KDM2A: variants seen among roughly 807,000 people sequenced by gnomAD.
KDM2A encodes lysine demethylase 2A, also known as lysine-specific demethylase 2A.
In KDM2A, 3 loss-of-function variants were observed where a neutral mutation model predicts 137.3. The ratio of observed to expected loss-of-function variants is 0.02; its 90% CI spans 0.01 to 0.06. KDM2A has a LOEUF of 0.06. KDM2A is among the 10% of genes least tolerant of loss of function. The pLI, the probability that KDM2A is intolerant of heterozygous loss-of-function variation, is 1.00. For synonymous variants in KDM2A, 512 were observed against 541.5 expected, an observed-to-expected ratio of 0.95 and a Z score of 0.76; for missense variants, 738 against 1,510.6, an observed-to-expected ratio of 0.49 and a Z score of 8.48.
In KDM2A at chr11:67,233,050, C is replaced by A. The variant is rs899083304; in HGVS notation, c.1479+1090C>A. ...TGGAGGAAATTATTTTAAGTCTTTC[C>A]TCCTAAGTAACAATTAATGTGAAGA... On this transcript the variant is annotated intron_variant, in intron 12 of 20. Coordinates refer to ENST00000529006, the MANE Select transcript of KDM2A (RefSeq NM_012308.3). 2.6e-5 allele frequency among the ~76,000 whole-genome samples: 4 copies of A among 152,082 alleles called. No homozygotes were observed. In the East Asian group the frequency reaches 7.7e-4, roughly 29 times the overall value.
At chr11:67,217,609 C>T in intron 8 of KDM2A, 122 bp from the exon 9 acceptor site, 1 of 898,526 alleles carries the variant, frequency 1.1e-6, no homozygotes. Context: ...GTTCTATAGG[C>T]TGGGAAAATT....
At chr11:67,194,589 T>G (rs1187933858) in intron 5 of KDM2A, among the ~76,000 whole-genome samples, 1 of 152,188 alleles carries the variant, frequency 6.6e-6, no homozygotes, top group Non-Finnish European at 1.5e-5. Flanking sequence ...CATAACACTT[T>G]GTGCATTACA....
intron 2 of KDM2A, among the ~76,000 whole-genome samples, chr11:67,177,359 T>C (rs577223991): frequency 8.1e-4 from 124 of 152,228 alleles, no homozygotes; most frequent in Non-Finnish European, 1.5e-3. Context: ...TTTCCACTTT[T>C]GTAATAATAC....
chr11:67,231,773 G>C lies in KDM2A; in HGVS notation c.1292G>C (p.Arg431Pro). ...LAGDSSSDCS[R>P]GSHNGQVWDP... ...GGGGACTCATCTTCTGACTGTAGCCGGGGCTCCCACAATGGACAAGTGTGG... is the reference window on the plus strand; with the variant it reads ...GGGGACTCATCTTCTGACTGTAGCCCGGGCTCCCACAATGGACAAGTGTGG... The change falls in exon 12 of 21, where the codon CGG (arginine) becomes CCG (proline). Residue 431 changes from arginine to proline, a missense_variant. Arg to Pro is a moderately radical substitution (Grantham distance 103, BLOSUM62 -2). Around this residue, in one of 9 missense-constraint regions of KDM2A, gnomAD observed 113 missense variants for 133.5 expected, o/e 0.85. Coordinates refer to ENST00000529006, the MANE Select transcript of KDM2A (RefSeq NM_012308.3). 6.2e-7 allele frequency: 1 copy of C among 1,613,996 alleles called. No homozygotes were observed. Among genetic ancestry groups the C allele is most frequent in the Non-Finnish European group, 8.5e-7 (1 of 1,179,892 alleles).
chr11:67,231,689 A>G lies in KDM2A; in HGVS notation c.1208A>G (p.Asp403Gly). ...CCTGTAGCGAATGGAGTCAACCTGG[A>G]TTATGATGGACTGGGCAAAACCTGC... is the stretch of plus-strand genomic sequence containing the variant. Reference protein sequence around the residue: ...TSPVANGVNLDYDGLGKTCRS... With the variant: ...TSPVANGVNLGYDGLGKTCRS... The change falls in exon 12 of 21, where the codon GAT becomes GGT. Residue 403 changes from aspartate (D) to glycine (G), a missense_variant. Physicochemically the swap from Asp to Gly is moderately conservative, Grantham distance 94 (BLOSUM62 -1). Around this residue, in one of 9 missense-constraint regions of KDM2A, gnomAD observed 113 missense variants for 133.5 expected, o/e 0.85. Coordinates refer to ENST00000529006, the MANE Select transcript of KDM2A (RefSeq NM_012308.3). 6.2e-7 allele frequency: 1 copy of G among 1,613,958 alleles called. No homozygotes were observed. The highest frequency in any genetic ancestry group is 1.1e-5 in the South Asian group (1 of 91,086).
At chr11:67,242,066 T>A (rs957891742) in intron 12 of KDM2A, among the ~76,000 whole-genome samples, 2 of 152,120 alleles carry the variant, frequency 1.3e-5, no homozygotes, top group African/African-American at 4.8e-5. Flanking sequence ...AGAGTGAGAC[T>A]CCATCTAAAA....
chr11:67,153,567 G>A (rs1005715845), intron 2 of KDM2A, among the ~76,000 whole-genome samples: 8 of 152,150 alleles, frequency 5.3e-5, no homozygotes, highest in Non-Finnish European at 1.2e-4. Context: ...ACATCTGGAT[G>A]TGGTGCAGGG....
At chr11:67,146,017 G>C (rs910622565) in intron 2 of KDM2A, among the ~76,000 whole-genome samples, 22 of 144,858 alleles carry the variant, frequency 1.5e-4, no homozygotes, top group African/African-American at 5.6e-4. Flanking sequence ...TTTTGAGACA[G>C]AGTCTATCTC....
intron 5 of KDM2A, among the ~76,000 whole-genome samples, chr11:67,201,771 T>C (rs1347486386): frequency 6.3e-5 from 2 of 31,630 alleles, no homozygotes; most frequent in African/African-American, 6.8e-4. Flanking sequence ...AGACTCCATC[T>C]CAAAAAAAAA....
intron 5 of KDM2A, among the ~76,000 whole-genome samples, chr11:67,192,025 G>T (rs1398723720): frequency 6.6e-6 from 1 of 152,110 alleles, no homozygotes; most frequent in Non-Finnish European, 1.5e-5. Context: ...AAATTACGGA[G>T]AATATCATTA....
chr11:67,228,007 T>C, intron 10 of KDM2A, 30 bp from the exon 11 acceptor site: 1 of 1,598,248 alleles, frequency 6.3e-7, no homozygotes, highest in Non-Finnish European at 8.6e-7. Context: ...TTGAAAATCG[T>C]CATCTTTTCT....
chr11:67,148,760 C>T (rs1426001325), intron 2 of KDM2A, among the ~76,000 whole-genome samples: 1 of 152,070 alleles, frequency 6.6e-6, no homozygotes, highest in Non-Finnish European at 1.5e-5. Context: ...GAGATCATGC[C>T]ATTGCACTCC....
intron 12 of KDM2A, among the ~76,000 whole-genome samples, chr11:67,237,461 T>G (rs1252244056): frequency 6.6e-6 from 1 of 151,266 alleles, no homozygotes; most frequent in Non-Finnish European, 1.5e-5. Context: ...TTATTATCAT[T>G]ATTATTATTA....
At chr11:67,127,385 T>C (rs372455798) in intron 2 of KDM2A, among the ~76,000 whole-genome samples, 1 of 152,222 alleles carries the variant, frequency 6.6e-6, no homozygotes, top group Non-Finnish European at 1.5e-5. Flanking sequence ...CTTCCCAAAG[T>C]GCTGGGAGTA....
At chr11:67,187,433 A>T (rs1857234939) in intron 5 of KDM2A, among the ~76,000 whole-genome samples, 1 of 152,204 alleles carries the variant, frequency 6.6e-6, no homozygotes, top group African/African-American at 2.4e-5. Flanking sequence ...AAAGACAGAA[A>T]TAGATTGAAA....
intron 10 of KDM2A, among the ~76,000 whole-genome samples, chr11:67,221,573 T>C (rs995354306): frequency 2.6e-4 from 39 of 152,338 alleles, no homozygotes; most frequent in African/African-American, 7.7e-4. Flanking sequence ...TTGATATTAT[T>C]GTTGGAGTTA....
At chr11:67,122,875 CTGTGT>C (rs1855630846) in intron 2 of KDM2A, among the ~76,000 whole-genome samples, 2 of 151,690 alleles carry the variant, frequency 1.3e-5, no homozygotes, top group Admixed American at 1.3e-4. Context: ...CGGGGTTTCA[CTGTGT>C]TAGCCAGGAT....
intron 2 of KDM2A, among the ~76,000 whole-genome samples, chr11:67,152,943 TG>T (rs1414869404): frequency 1.2e-4 from 17 of 138,770 alleles, no homozygotes; most frequent in Admixed American, 3.5e-4. Flanking sequence ...TGTGTGTGTG[TG>T]TGTGTGTGTT....
In KDM2A at chr11:67,168,582, T is replaced by TAATACACACACACACACACACACAC. The variant is rs879358615; in HGVS notation, c.43-11496_43-11495insATACACACACACACACACACACACA. Among the ~76,000 whole-genome samples the TAATACACACACACACACACACACAC allele has an allele frequency of 2.4e-4, 8 of 34,002 alleles. 4 individuals carry two copies. In the East Asian group the frequency reaches 3.3e-3, roughly 14 times the overall value. 22.3% of individuals were successfully genotyped at this position (34,002 alleles called of 152,430 possible). ...CACACACACAGTCTTGTATGAATTATACACACACACACACACACACACACA... is the reference window on the plus strand; with the variant it reads ...CACACACACAGTCTTGTATGAATTATAATACACACACACACACACACACACACACACACACACACACACACACACA... On this transcript the variant is annotated intron_variant, in intron 2 of 20. Transcript: ENST00000529006.
Sources: allele counts gnomAD v4.1 joint callset (sites outside exome capture counted in the v4.1 genomes callset), GRCh38; gene constraint gnomAD v4.1.1; regional missense constraint gnomAD v4.1.1; transcripts MANE v1.5; gene names NCBI Gene and HGNC (gene_info 2026-07-23, HGNC 2026-07-21).